The following CSMD3 variants were observed in gnomAD, a reference collection of about 807,000 sequenced individuals.
CSMD3 encodes CUB and sushi domain-containing protein 3.
In CSMD3, 177 loss-of-function variants were observed where a neutral mutation model predicts 435.2. The ratio of observed to expected loss-of-function variants is 0.41; its 90% confidence interval spans 0.36 to 0.46. The LOEUF is 0.46. CSMD3 is among the 20% of genes least tolerant of loss of function. The pLI is 0.34. For synonymous variants in CSMD3, 1,656 were observed against 1,520.5 expected, an observed-to-expected ratio of 1.09 and a Z score of -2.07; for missense variants, 4,265 against 4,504.6, an observed-to-expected ratio of 0.95 and a Z score of 1.52.
At chr8:113,048,134 C>T (rs1480837708) in intron 5 of CSMD3, among the ~76,000 whole-genome samples, 1 of 148,158 alleles carries the variant, frequency 6.7e-6, no homozygotes, top group African/African-American at 2.5e-5. Context: ...GCTCTGTCGC[C>T]CAGGCTGGAG....
chr8:113,218,354 T>C (rs956791481), intron 3 of CSMD3, among the ~76,000 whole-genome samples: 10 of 151,050 alleles, frequency 6.6e-5, no homozygotes, highest in Non-Finnish European at 5.9e-5. Flanking sequence ...TCCTGTACTA[T>C]TGTTGTAGTA....
At chr8:113,072,683 C>A (rs1212036719) in intron 5 of CSMD3, among the ~76,000 whole-genome samples, 2 of 151,734 alleles carry the variant, frequency 1.3e-5, no homozygotes, top group Admixed American at 6.6e-5. Flanking sequence ...CCAATTCCAC[C>A]TTTTCCTATA....
At chr8:113,248,170 T>A (rs185997759) in intron 3 of CSMD3, among the ~76,000 whole-genome samples, 251 of 152,024 alleles carry the variant, frequency 1.7e-3, no homozygotes, top group Non-Finnish European at 2.4e-3. Flanking sequence ...TGGTGATAAT[T>A]TAATGAAGCA....
chr8:112,592,482 A>C (rs1456125922), intron 22 of CSMD3, among the ~76,000 whole-genome samples: 1 of 152,072 alleles, frequency 6.6e-6, no homozygotes, highest in Non-Finnish European at 1.5e-5. Context: ...AAAAAGTTTC[A>C]TAGCTACTTT....
intron 1 of CSMD3, among the ~76,000 whole-genome samples, chr8:113,349,589 T>C (rs1463594053): frequency 2.0e-5 from 3 of 152,068 alleles, no homozygotes; most frequent in Admixed American, 6.6e-5. Context: ...TGACACTAGC[T>C]TGGGCAACAC....
intron 35 of CSMD3, among the ~76,000 whole-genome samples, chr8:112,395,851 A>G (rs1830817282): frequency 6.6e-6 from 1 of 152,140 alleles, no homozygotes; most frequent in Non-Finnish European, 1.5e-5. Flanking sequence ...TCTTCAGCAT[A>G]AGTTTTATTT....
rs71309778 is a variant in CSMD3, at chr8:112,606,972, G to GAA, written c.3716-19739_3716-19738dup. ...AATCCAACTTTACCCCTCAAGCTAT[G>GAA]AAAAAAAAAAAAAAAAAAAAAAGCT... is the stretch of plus-strand genomic sequence containing the variant. On this transcript the variant is annotated intron_variant, in intron 22 of 70. Coordinates refer to ENST00000297405, the MANE Select transcript of CSMD3 (RefSeq NM_198123.2). Among the ~76,000 whole-genome samples the GAA allele has an allele frequency of 9.0e-3, 331 of 36,610 alleles. 12 individuals carry two copies. The highest frequency in any genetic ancestry group is 0.013 in the African/African-American group (106 of 8,284). The allele number at this position is 36,610 out of a possible 152,430, so 24.0% of individuals were successfully genotyped here.
At chr8:112,527,300 C>G (rs1825075662) in intron 27 of CSMD3, among the ~76,000 whole-genome samples, 1 of 151,382 alleles carries the variant, frequency 6.6e-6, no homozygotes, top group African/African-American at 2.4e-5. Flanking sequence ...AAAAAGTAAA[C>G]TTTAACACAA....
At chr8:112,635,355 A>G (rs1346240587) in intron 22 of CSMD3, among the ~76,000 whole-genome samples, 1 of 152,086 alleles carries the variant, frequency 6.6e-6, no homozygotes, top group African/African-American at 2.4e-5. Context: ...CAAATATCAA[A>G]TGGTCAGGCA....
At chr8:113,278,277 C>T (rs2093586784) in intron 3 of CSMD3, among the ~76,000 whole-genome samples, 1 of 151,804 alleles carries the variant, frequency 6.6e-6, no homozygotes, top group African/African-American at 2.4e-5. Context: ...TGGCACAGCA[C>T]AAGGGACTGT....
chr8:113,232,093 A>C (rs2093095284), intron 3 of CSMD3, among the ~76,000 whole-genome samples: 1 of 151,512 alleles, frequency 6.6e-6, no homozygotes, highest in Admixed American at 6.6e-5. Context: ...CTCATTACTG[A>C]AAAGTTTTGA....
In CSMD3 at chr8:113,373,603, C is replaced by A. The variant is rs370106975; in HGVS notation, c.179-58810G>T. ...TAAAGATGTTTATTAATTAACTTTA[C>A]TGGTATTTTGAAATTTTGTCTACCT... is the stretch of plus-strand genomic sequence containing the variant. On this transcript the variant is annotated intron_variant, in intron 1 of 70. Coordinates refer to ENST00000297405, the MANE Select transcript of CSMD3 (RefSeq NM_198123.2). 2.6e-5 allele frequency among the ~76,000 whole-genome samples: 4 copies of A among 151,984 alleles called. No homozygotes were observed. The East Asian group carries it at 7.7e-4, about 29-fold the overall frequency.
chr8:113,364,029 G>T (rs183913183), intron 1 of CSMD3, among the ~76,000 whole-genome samples: 9 of 152,038 alleles, frequency 5.9e-5, no homozygotes, highest in African/African-American at 1.9e-4. Flanking sequence ...GATCTTTTTT[G>T]AGTTAATTTC....
At chr8:112,921,372 A>G (rs1487578757) in intron 10 of CSMD3, among the ~76,000 whole-genome samples, 2 of 151,998 alleles carry the variant, frequency 1.3e-5, no homozygotes, top group Admixed American at 6.6e-5. Flanking sequence ...AAAAATGCCG[A>G]CAATGTTTCC....
chr8:112,575,806 GA>G (rs1437096123), intron 23 of CSMD3, among the ~76,000 whole-genome samples: 2 of 152,010 alleles, frequency 1.3e-5, no homozygotes, highest in East Asian at 3.9e-4. Context: ...GTATGTCTGT[GA>G]GTCTGAAATG....
chr8:113,117,814 C>G (rs962243726), intron 4 of CSMD3, among the ~76,000 whole-genome samples: 1 of 152,336 alleles, frequency 6.6e-6, no homozygotes, highest in Non-Finnish European at 1.5e-5. Flanking sequence ...ATTTGACTAC[C>G]CTGCTGGATT....
rs74275503 is a variant in CSMD3, at chr8:112,285,003, G to GT, written c.9331+2060dup. On this transcript the variant is annotated intron_variant, in intron 58 of 70. Coordinates refer to ENST00000297405, the MANE Select transcript of CSMD3 (RefSeq NM_198123.2). ...TGTTGAATTTTTTCTATAGGTTACA[G>GT]TTTTTTTTTATTTCTGCTTTCTGTT... Among the ~76,000 whole-genome samples, 51 of 151,162 alleles carry GT rather than the reference G, an allele frequency of 3.4e-4. 1 individual carries two copies. The South Asian group carries it at 7.1e-3, about 21-fold the overall frequency.
intron 1 of CSMD3, among the ~76,000 whole-genome samples, chr8:113,410,354 A>G (rs1190895040): frequency 2.0e-5 from 3 of 152,126 alleles, no homozygotes; most frequent in Non-Finnish European, 4.4e-5. Flanking sequence ...TGCTTCCACT[A>G]TTCTACTGAG....
chr8:113,200,979 G>A (rs923702221), intron 3 of CSMD3, among the ~76,000 whole-genome samples: 3 of 151,748 alleles, frequency 2.0e-5, no homozygotes, highest in African/African-American at 7.3e-5. Flanking sequence ...TTAGGTTGAA[G>A]TAGAAAACTC....
Sources: gnomAD v4.1 joint callset for allele counts (sites outside exome capture counted in the v4.1 genomes callset) on GRCh38, gnomAD v4.1.1 for gene constraint, MANE v1.5 for transcripts, NCBI Gene and HGNC (gene_info 2026-07-23, HGNC 2026-07-21) for gene names.